Variants in CACNA2D3 observed in about 807,000 individuals in gnomAD.
CACNA2D3 encodes voltage-dependent calcium channel subunit alpha-2/delta-3.
A neutral mutation model predicts 160.6 loss-of-function variants in CACNA2D3; 60 were observed. The ratio of observed to expected loss-of-function variants is 0.37; its 90% CI spans 0.30 to 0.46. The LOEUF is 0.46. Ranked by LOEUF, CACNA2D3 falls within the 20% of genes least tolerant of loss-of-function variation. The pLI is 1.00. For synonymous variants in CACNA2D3, 558 were observed against 492.9 expected, an observed-to-expected ratio of 1.13 and a Z score of -1.75; for missense variants, 1,205 against 1,365.0, an observed-to-expected ratio of 0.88 and a Z score of 1.85.
intron 11 of CACNA2D3, among the ~76,000 whole-genome samples, chr3:54,696,486 G>A (rs962388453): frequency 2.0e-5 from 3 of 152,208 alleles, no homozygotes; most frequent in Admixed American, 2.0e-4. Flanking sequence ...CCTTGTCATA[G>A]GATGTTTCCT....
chr3:54,199,925 T>C (rs980705363), intron 2 of CACNA2D3, among the ~76,000 whole-genome samples: 6 of 152,216 alleles, frequency 3.9e-5, no homozygotes, highest in Non-Finnish European at 5.9e-5. Flanking sequence ...ACTGCCTCTG[T>C]TTTAGTAAAT....
intron 2 of CACNA2D3, among the ~76,000 whole-genome samples, chr3:54,274,014 G>A (rs1346603175): frequency 6.9e-6 from 1 of 145,564 alleles, no homozygotes; most frequent in African/African-American, 2.8e-5. Context: ...GCGTATGGCT[G>A]TCATTAATCT....
At chr3:54,237,759 G>T (rs865782838) in intron 2 of CACNA2D3, among the ~76,000 whole-genome samples, 1 of 152,298 alleles carries the variant, frequency 6.6e-6, no homozygotes, top group South Asian at 2.1e-4. Flanking sequence ...CTCTGGCTCA[G>T]TTTCCCCTTG....
chr3:55,025,476 A>G (rs1454979919), intron 35 of CACNA2D3, among the ~76,000 whole-genome samples: 3 of 151,922 alleles, frequency 2.0e-5, no homozygotes, highest in Non-Finnish European at 4.4e-5. Context: ...TACTAAAAAC[A>G]CAAAAATTGG....
At chr3:55,073,404 C>A in intron 35 of CACNA2D3, 41 bp from the exon 36 acceptor site, 1 of 1,466,398 alleles carries the variant, frequency 6.8e-7, no homozygotes, top group African/African-American at 1.4e-5. Flanking sequence ...CTTTAATTGA[C>A]GGATGGTAAA....
intron 5 of CACNA2D3, among the ~76,000 whole-genome samples, chr3:54,507,573 C>G (rs1382854775): frequency 6.6e-6 from 1 of 152,154 alleles, no homozygotes; most frequent in Non-Finnish European, 1.5e-5. Context: ...AGATGTCATC[C>G]AGGGCTGTGG....
chr3:54,161,438 G>C (rs1403764800), intron 2 of CACNA2D3, among the ~76,000 whole-genome samples: 1 of 152,212 alleles, frequency 6.6e-6, no homozygotes, highest in Admixed American at 6.5e-5. Flanking sequence ...GTTCCCCTTG[G>C]AGGGGCACCT....
At chr3:54,337,142 G>A (rs1391724387) in intron 3 of CACNA2D3, among the ~76,000 whole-genome samples, 3 of 152,220 alleles carry the variant, frequency 2.0e-5, no homozygotes, top group African/African-American at 7.2e-5. Context: ...ACGGCAAATG[G>A]TGATGGTGGT....
At chr3:54,766,970 A>G (rs1466409412) in intron 13 of CACNA2D3, among the ~76,000 whole-genome samples, 1 of 151,542 alleles carries the variant, frequency 6.6e-6, no homozygotes, top group African/African-American at 2.4e-5. Flanking sequence ...AAGAAACAGA[A>G]TAAACCAGAA....
intron 2 of CACNA2D3, among the ~76,000 whole-genome samples, chr3:54,280,177 G>A (rs1575364059): frequency 6.6e-6 from 1 of 152,160 alleles, no homozygotes; most frequent in East Asian, 1.9e-4. Flanking sequence ...TGCCTCCTGG[G>A]TTCACGCCAT....
At chr3:54,371,316 T>C (rs1321731132) in intron 3 of CACNA2D3, among the ~76,000 whole-genome samples, 2 of 152,216 alleles carry the variant, frequency 1.3e-5, no homozygotes, top group African/African-American at 4.8e-5. Flanking sequence ...ATTTTACATT[T>C]CTAGGAACAC....
At chr3:54,192,346 A>G (rs573394203) in intron 2 of CACNA2D3, among the ~76,000 whole-genome samples, 14 of 152,324 alleles carry the variant, frequency 9.2e-5, no homozygotes, top group African/African-American at 2.9e-4. Context: ...CCTTCTGCAA[A>G]CAGGGCATTG....
At chr3:54,797,559 G>A (rs1397121176) in intron 13 of CACNA2D3, among the ~76,000 whole-genome samples, 1 of 151,986 alleles carries the variant, frequency 6.6e-6, no homozygotes, top group African/African-American at 2.4e-5. Context: ...CGGTTTTTTT[G>A]GTCTCCCCAC....
intron 27 of CACNA2D3, among the ~76,000 whole-genome samples, chr3:54,932,138 C>T (rs1701205808): frequency 6.6e-6 from 1 of 152,078 alleles, no homozygotes; most frequent in Non-Finnish European, 1.5e-5. Context: ...GAGATCACGC[C>T]ACTACACAGC....
intron 11 of CACNA2D3, among the ~76,000 whole-genome samples, chr3:54,737,572 A>C (rs966391806): frequency 6.6e-6 from 1 of 152,060 alleles, no homozygotes; most frequent in African/African-American, 2.4e-5. Context: ...GGGCAAGTGG[A>C]GGTGAGATTA....
Position 54,630,347 on chromosome 3 carries a change from C to T in CACNA2D3, c.1053+2471C>T, listed in dbSNP as rs1350045198. On this transcript the variant is annotated intron_variant, in intron 10 of 37. Coordinates refer to ENST00000474759, the MANE Select transcript of CACNA2D3 (RefSeq NM_018398.3). Reference sequence around the variant, plus strand: ...ATTTTCTGTTCCTTTCCCTGGTACCCTTTCTCTGTCCATCCCTTCCATCTG... The same window carrying T: ...ATTTTCTGTTCCTTTCCCTGGTACCTTTTCTCTGTCCATCCCTTCCATCTG... Among the ~76,000 whole-genome samples the T allele has an allele frequency of 2.0e-5, 3 of 152,114 alleles. No individual in the cohort carries two copies. In the East Asian group the frequency reaches 5.8e-4, roughly 29 times the overall value.
chr3:54,740,257 A>G (rs1701622879), intron 11 of CACNA2D3, among the ~76,000 whole-genome samples: 1 of 152,132 alleles, frequency 6.6e-6, no homozygotes, highest in Non-Finnish European at 1.5e-5. Flanking sequence ...AGACACAATG[A>G]TTGCTTAGGA....
At chr3:54,302,127 T>C (rs1317907200) in intron 2 of CACNA2D3, among the ~76,000 whole-genome samples, 2 of 152,208 alleles carry the variant, frequency 1.3e-5, no homozygotes, top group African/African-American at 4.8e-5. Context: ...ACCCTGAGTA[T>C]TGCATTCAAT....
chr3:54,725,873 C>T (rs938228254), intron 11 of CACNA2D3, among the ~76,000 whole-genome samples: 8 of 152,166 alleles, frequency 5.3e-5, no homozygotes, highest in African/African-American at 1.9e-4. Context: ...TGCCTTCTCT[C>T]ACCACTCCTA....
Sources: gnomAD v4.1 joint callset for allele counts (sites outside exome capture counted in the v4.1 genomes callset) on GRCh38, gnomAD v4.1.1 for gene constraint, MANE v1.5 for transcripts, NCBI Gene and HGNC (gene_info 2026-07-23, HGNC 2026-07-21) for gene names.